LIMCH1: variants seen among roughly 807,000 people sequenced by gnomAD.
LIMCH1 encodes LIM and calponin homology domains 1, also known as LIM and calponin homology domains-containing protein 1.
In LIMCH1, 113 loss-of-function variants were observed where a neutral mutation model predicts 176.5. The ratio of observed to expected loss-of-function variants is 0.64; its 90% confidence interval spans 0.55 to 0.75. LIMCH1 has a LOEUF of 0.75. Among genes scored for constraint, LIMCH1 ranks in the 30% least tolerant of loss-of-function variants. LIMCH1 has a pLI of 0.00. For synonymous variants in LIMCH1, 619 were observed against 645.9 expected, an observed-to-expected ratio of 0.96 and a Z score of 0.63; for missense variants, 1,674 against 1,814.9, an observed-to-expected ratio of 0.92 and a Z score of 1.41.
chr4:41,401,619 G>C (rs1390117985), intron 1 of LIMCH1, among the ~76,000 whole-genome samples: 1 of 151,900 alleles, frequency 6.6e-6, no homozygotes, highest in African/African-American at 2.4e-5. Context: ...AAATTACCTT[G>C]GGCAGTATGG....
intron 1 of LIMCH1, among the ~76,000 whole-genome samples, chr4:41,376,877 G>A (rs2054846181): frequency 6.6e-6 from 1 of 152,196 alleles, no homozygotes; most frequent in Non-Finnish European, 1.5e-5. Context: ...GAATTGGATA[G>A]TGGTGATGGT....
intron 2 of LIMCH1, among the ~76,000 whole-genome samples, chr4:41,600,818 C>A (rs1466858135): frequency 2.0e-5 from 3 of 152,044 alleles, no homozygotes; most frequent in African/African-American, 7.2e-5. Flanking sequence ...AGATTTAAAT[C>A]AAGGTGTGGA....
At chr4:41,405,266 A>G (rs1457497780) in intron 1 of LIMCH1, among the ~76,000 whole-genome samples, 1 of 152,170 alleles carries the variant, frequency 6.6e-6, no homozygotes, top group African/African-American at 2.4e-5. Context: ...TTTAATCAGC[A>G]TCTTGAAATT....
At chr4:41,369,959 T>TGTGTGTGTGTGTGTG (rs57269261) in intron 1 of LIMCH1, among the ~76,000 whole-genome samples, 6 of 144,202 alleles carry the variant, frequency 4.2e-5, no homozygotes, top group Admixed American at 6.8e-5. Context: ...TGTGTGTGTG[T>TGTGTGTGTGTGTGTG]TTTGTAGTGA....
intron 1 of LIMCH1, among the ~76,000 whole-genome samples, chr4:41,376,182 A>G (rs923502310): frequency 4.6e-5 from 7 of 152,150 alleles, no homozygotes; most frequent in Non-Finnish European, 1.0e-4. Context: ...ACTTGCCATT[A>G]TAGTTTCTAT....
intron 21 of LIMCH1, 149 bp from the exon 22 acceptor site, chr4:41,671,404 AC>A: frequency 4.7e-6 from 2 of 425,992 alleles, no homozygotes; most frequent in Non-Finnish European, 8.0e-6. Flanking sequence ...CCAAACACAC[AC>A]ACACACACAC....
chr4:41,578,623 T>A (rs1462113379), intron 1 of LIMCH1, among the ~76,000 whole-genome samples: 2 of 152,182 alleles, frequency 1.3e-5, no homozygotes, highest in Admixed American at 6.5e-5. Context: ...TTAATTAGCA[T>A]TAAAATGTTT....
intron 30 of LIMCH1, 32 bp from the exon 31 acceptor site, chr4:41,692,250 A>G (rs192362329): frequency 1.6e-6 from 2 of 1,258,820 alleles, no homozygotes; most frequent in Non-Finnish European, 2.3e-6. Context: ...TTCCTTATGC[A>G]TCTTATGATG....
intron 27 of LIMCH1, among the ~76,000 whole-genome samples, chr4:41,684,740 A>G (rs1208596220): frequency 6.7e-6 from 1 of 149,900 alleles, no homozygotes; most frequent in Non-Finnish European, 1.5e-5. Flanking sequence ...GTTCGCACTT[A>G]AAAAAAAAAT....
chr4:41,553,081 GA>G (rs2080732301), intron 1 of LIMCH1, among the ~76,000 whole-genome samples: 1 of 152,164 alleles, frequency 6.6e-6, no homozygotes, highest in Non-Finnish European at 1.5e-5. Flanking sequence ...GGCGCTACAA[GA>G]ATCTCTTCTC....
chr4:41,666,216 T>G (rs1254012834), intron 20 of LIMCH1, among the ~76,000 whole-genome samples: 1 of 152,224 alleles, frequency 6.6e-6, no homozygotes, highest in Non-Finnish European at 1.5e-5. Flanking sequence ...CATTACAGAT[T>G]CAGTTTTGTG....
chr4:41,421,153 A>G (rs1392736953), intron 1 of LIMCH1, among the ~76,000 whole-genome samples: 1 of 152,170 alleles, frequency 6.6e-6, no homozygotes, highest in African/African-American at 2.4e-5. Context: ...AGGTTCTACC[A>G]CTAGCAGTGA....
intron 1 of LIMCH1, among the ~76,000 whole-genome samples, chr4:41,477,569 G>A (rs2067940628): frequency 6.6e-6 from 1 of 152,196 alleles, no homozygotes; most frequent in Admixed American, 6.5e-5. Flanking sequence ...AGAGCCTGTA[G>A]TTTCGTGCAG....
At chr4:41,516,452 A>G (rs986916388) in intron 2 of LIMCH1, among the ~76,000 whole-genome samples, 1 of 152,234 alleles carries the variant, frequency 6.6e-6, no homozygotes, top group Non-Finnish European at 1.5e-5. Context: ...TCCCAAATCT[A>G]CCGCTTAGGA....
chr4:41,526,773 C>T (rs2076701219), intron 3 of LIMCH1, among the ~76,000 whole-genome samples: 2 of 152,234 alleles, frequency 1.3e-5, no homozygotes, highest in Non-Finnish European at 1.5e-5. Context: ...ATCACCAGTC[C>T]TGTGCACCTA....
rs374330346 is a variant in LIMCH1, at chr4:41,676,451, C to G, written c.3508C>G (p.Arg1170Gly). The stretch of plus-strand genomic sequence containing the variant: ...GGAAAAATGGCAACAGGAACAGGAA[C>G]GTTTGCTCCAGGTAGGATGGAGTTT... ...RQEKWQQEQERLLQERYQKEQ... is the reference protein window; with the variant it reads ...RQEKWQQEQEGLLQERYQKEQ... Residue 1170 changes from arginine to glycine, a missense_variant, in exon 23 of 32, where the codon CGT becomes GGT. Arg to Gly is a moderately radical substitution (Grantham distance 125, BLOSUM62 -2). Around this residue, in one of 3 missense-constraint regions of LIMCH1, gnomAD observed 1,015 missense variants for 1,102.5 expected, o/e 0.92. Coordinates refer to ENST00000503057, the MANE Select transcript of LIMCH1 (RefSeq NM_001330672.2). 3.7e-6 allele frequency: 6 copies of G among 1,613,528 alleles called. No individual in the cohort carries two copies. The highest frequency in any genetic ancestry group is 5.1e-6 in the Non-Finnish European group (6 of 1,179,576).
chr4:41,582,511 C>A (rs535223139), intron 1 of LIMCH1, among the ~76,000 whole-genome samples: 1 of 152,126 alleles, frequency 6.6e-6, no homozygotes, highest in Non-Finnish European at 1.5e-5. Context: ...CTGGAGGCAA[C>A]GCAGTGTAGT....
intron 1 of LIMCH1, among the ~76,000 whole-genome samples, chr4:41,597,722 A>G (rs2089168085): frequency 6.6e-6 from 1 of 152,194 alleles, no homozygotes; most frequent in Admixed American, 6.5e-5. Context: ...TTCCCTGATT[A>G]GGTCAGGCCC....
chr4:41,573,292 T>C (rs1352315089), intron 1 of LIMCH1, among the ~76,000 whole-genome samples: 2 of 152,220 alleles, frequency 1.3e-5, no homozygotes. Context: ...ATCATTGCCA[T>C]CTTTTTCTAG....
Sources: gnomAD v4.1 joint callset for allele counts (sites outside exome capture counted in the v4.1 genomes callset) on GRCh38, gnomAD v4.1.1 for gene constraint, gnomAD v4.1.1 regional missense constraint, MANE v1.5 for transcripts, NCBI Gene and HGNC (gene_info 2026-07-23, HGNC 2026-07-21) for gene names.